LMTK2: variants seen among roughly 807,000 people sequenced by gnomAD.
The protein encoded by LMTK2 is serine/threonine-protein kinase LMTK2.
Under a neutral mutation model 127.5 loss-of-function variants are expected in LMTK2, and 37 were observed. The ratio of observed to expected loss-of-function variants is 0.29; its 90% CI spans 0.22 to 0.38. The LOEUF (loss-of-function observed/expected upper bound fraction) is 0.38, where lower values mean the gene tolerates loss of function less well. LMTK2 is among the 10% of genes least tolerant of loss of function. The pLI, the probability that LMTK2 is intolerant of heterozygous loss-of-function variation, is 1.00. For missense variants in LMTK2, 1,694 were observed against 1,920.3 expected, an observed-to-expected ratio of 0.88 and a Z score of 2.20; for synonymous variants, 819 against 810.1, an observed-to-expected ratio of 1.01 and a Z score of -0.19.
intron 11 of LMTK2, among the ~76,000 whole-genome samples, chr7:98,199,069 C>A (rs1373480071): frequency 6.6e-6 from 1 of 152,004 alleles, no homozygotes; most frequent in East Asian, 1.9e-4. Flanking sequence ...CCATTATGGG[C>A]AGAGAACATA....
Position 98,194,085 on chromosome 7 carries a change from C to T in LMTK2, c.3620C>T (p.Ala1207Val), listed in dbSNP as rs762925076. 3 of 1,614,128 alleles carry T rather than the reference C, an allele frequency of 1.9e-6. No homozygotes were observed. The highest frequency in any genetic ancestry group is 2.5e-6 in the Non-Finnish European group (3 of 1,180,038). The change falls in exon 11 of 14, where the codon GCA becomes GTA. Residue 1207 changes from alanine to valine, a missense_variant. By Grantham distance (64) the Ala-to-Val change is moderately conservative (BLOSUM62 0). Coordinates refer to ENST00000297293, the MANE Select transcript of LMTK2 (RefSeq NM_014916.4). This position sits in a 1 kb window ranked among gnomAD's most constrained non-coding sequence, Gnocchi z 5.4. Reference protein sequence around the residue: ...EASSPWSVLNAELSSGDDFET... With the variant: ...EASSPWSVLNVELSSGDDFET... ...AGCAGTCCCTGGAGTGTGCTGAATG[C>T]AGAACTTAGCAGCGGCGATGACTTC...
chr7:98,155,122 T>C (rs1425617424), intron 5 of LMTK2, among the ~76,000 whole-genome samples: 1 of 152,214 alleles, frequency 6.6e-6, no homozygotes, highest in African/African-American at 2.4e-5. Flanking sequence ...TAGAATTACC[T>C]GACAAGAATT....
chr7:98,191,000 A>G (rs536507751), intron 10 of LMTK2, 123 bp downstream of exon 10: 20 of 953,074 alleles, frequency 2.1e-5, no homozygotes, highest in Non-Finnish European at 2.9e-5. Context: ...TGATGTCACC[A>G]TGAGCTGAAC....
chr7:98,204,984 G>A (rs1584304289), intron 13 of LMTK2, among the ~76,000 whole-genome samples: 1 of 152,288 alleles, frequency 6.6e-6, no homozygotes, highest in African/African-American at 2.4e-5. Flanking sequence ...CCGAGGGCGG[G>A]GTGGGGTGAA....
chr7:98,174,706 T>C (rs1247687813), intron 7 of LMTK2, among the ~76,000 whole-genome samples: 1 of 152,166 alleles, frequency 6.6e-6, no homozygotes, highest in African/African-American at 2.4e-5. Context: ...AGAACCTCTA[T>C]AGGATTTGCC....
At chr7:98,140,542 C>T (rs1271512163) in intron 2 of LMTK2, among the ~76,000 whole-genome samples, 1 of 151,766 alleles carries the variant, frequency 6.6e-6, no homozygotes, top group African/African-American at 2.4e-5. Context: ...TTTTAGTGAC[C>T]TTTGTGGTTC....
chr7:98,193,625 T>C lies in LMTK2; in HGVS notation c.3160T>C (p.Ser1054Pro), dbSNP rs1181311388. Residue 1054 changes from serine to proline, a missense_variant, in exon 11 of 14, where the codon TCA (serine) becomes CCA (proline). By Grantham distance (74) the Ser-to-Pro change is moderately conservative. This residue lies in a region of LMTK2 where 65 missense variants were observed against 116.5 expected (regional missense o/e 0.56). Transcript: ENST00000297293. This position sits in a 1 kb window ranked among gnomAD's most constrained non-coding sequence, Gnocchi z 4.1. The part of the protein sequence containing the change: ...LHPAPEGTAD[S>P]EPATTGDGGH... ...TCCCGCTCCCGAGGGCACCGCAGACTCAGAACCAGCCACCACGGGCGATGG... is the reference window on the plus strand; with the variant it reads ...TCCCGCTCCCGAGGGCACCGCAGACCCAGAACCAGCCACCACGGGCGATGG... The C allele has an allele frequency of 6.2e-7, 1 of 1,613,536 alleles. No homozygotes were observed. The highest frequency in any genetic ancestry group is 1.1e-5 in the South Asian group (1 of 91,052).
intron 1 of LMTK2, among the ~76,000 whole-genome samples, chr7:98,125,075 G>A (rs374236045): frequency 1.3e-5 from 2 of 151,504 alleles, no homozygotes; most frequent in African/African-American, 2.4e-5. Context: ...AGGCCGAGGC[G>A]GGCGGATCAC....
chr7:98,158,606 C>T (rs1025326576), intron 5 of LMTK2, among the ~76,000 whole-genome samples: 11 of 150,408 alleles, frequency 7.3e-5, no homozygotes, highest in Non-Finnish European at 1.5e-4. Flanking sequence ...AGAAATAATG[C>T]AGTAGTAAAA....
At chr7:98,140,129 T>TC (rs879392060) in intron 2 of LMTK2, among the ~76,000 whole-genome samples, 211 of 6,720 alleles carry the variant, frequency 0.031, no homozygotes, top group Non-Finnish European at 0.041. Flanking sequence ...TTTCTTTCTT[T>TC]CTTTCTTTCT....
At chr7:98,154,184 G>C (rs1409666795) in intron 4 of LMTK2, among the ~76,000 whole-genome samples, 2 of 152,158 alleles carry the variant, frequency 1.3e-5, no homozygotes, top group African/African-American at 4.8e-5. Flanking sequence ...TGAGGCAGCA[G>C]ATTCTCATTT....
At chr7:98,166,005 G>A (rs893800184) in intron 6 of LMTK2, among the ~76,000 whole-genome samples, 5 of 151,918 alleles carry the variant, frequency 3.3e-5, no homozygotes, top group Non-Finnish European at 4.4e-5. Flanking sequence ...CCCTGTTCCA[G>A]TGCCCGGCCC....
intron 7 of LMTK2, among the ~76,000 whole-genome samples, chr7:98,182,810 A>T (rs928719693): frequency 3.3e-5 from 5 of 152,254 alleles, no homozygotes; most frequent in Non-Finnish European, 7.3e-5. Context: ...CATCATTCAC[A>T]ATAGCTGAAA....
chr7:98,186,036 C>T (rs1797427531), intron 8 of LMTK2, among the ~76,000 whole-genome samples: 1 of 151,776 alleles, frequency 6.6e-6, no homozygotes, highest in East Asian at 1.9e-4. Flanking sequence ...AGGCACTTAG[C>T]ACCTGCCTGT....
At chr7:98,115,702 G>A (rs1051968798) in intron 1 of LMTK2, among the ~76,000 whole-genome samples, 2 of 152,050 alleles carry the variant, frequency 1.3e-5, no homozygotes, top group Non-Finnish European at 2.9e-5. Context: ...TCAGGAGGCT[G>A]AGGTTGAACC....
chr7:98,209,423 C>G lies in LMTK2; in HGVS notation c.*3931C>G, dbSNP rs1388644382. On this transcript the variant is annotated 3_prime_UTR_variant, in exon 14 of 14. Coordinates refer to ENST00000297293, the MANE Select transcript of LMTK2 (RefSeq NM_014916.4). Reference sequence around the variant, plus strand: ...GTCTGCAGAGGAGGACGTAGGGGGCCGTCACACCCACCAGGCCTCCCTGCT... The same window carrying G: ...GTCTGCAGAGGAGGACGTAGGGGGCGGTCACACCCACCAGGCCTCCCTGCT... The G allele has an allele frequency of 6.6e-6, 1 of 152,100 alleles. No individual in the cohort carries two copies. The highest frequency in any genetic ancestry group is 1.5e-5 in the Non-Finnish European group (1 of 68,020). 9.4% of individuals were successfully genotyped at this position (152,100 alleles called of 1,614,324 possible). A position where few individuals can be genotyped will look rare whatever the true frequency, so the allele number is the denominator to read the frequency against.
rs200822417 is a variant in LMTK2, at chr7:98,194,363, G to T, written c.3898G>T (p.Ala1300Ser). 1 of 1,614,164 alleles carries T rather than the reference G, an allele frequency of 6.2e-7. No homozygotes were observed. Among genetic ancestry groups the T allele is most frequent in the Admixed American group, 1.7e-5 (1 of 60,024 alleles). Residue 1300 changes from alanine (A) to serine (S), a missense_variant, in exon 11 of 14, where the codon GCC (alanine) becomes TCC (serine). Transcript: ENST00000297293. This position sits in a 1 kb window ranked among gnomAD's most constrained non-coding sequence, Gnocchi z 5.4. ...NSDDSDEDLR[A>S]FNLHSLSSES... is the part of the protein sequence containing the mutation. ...CGACGACTCGGACGAGGACCTGCGG[G>T]CCTTCAACCTGCATAGCCTCAGCTC...
At chr7:98,177,750 G>A (rs774001142) in intron 7 of LMTK2, among the ~76,000 whole-genome samples, 1 of 152,200 alleles carries the variant, frequency 6.6e-6, no homozygotes, top group Non-Finnish European at 1.5e-5. Flanking sequence ...CCAAATCCTA[G>A]CAGGTGCCTG....
intron 1 of LMTK2, among the ~76,000 whole-genome samples, chr7:98,125,031 G>C (rs1796423943): frequency 6.7e-6 from 1 of 149,326 alleles, no homozygotes. Context: ...CAGGCTAGGC[G>C]CATGGCTCAC....
Sources: gnomAD v4.1 joint callset for allele counts (sites outside exome capture counted in the v4.1 genomes callset) on GRCh38, gnomAD v4.1.1 for gene constraint, gnomAD v4.1.1 regional missense constraint, Gnocchi (gnomAD v3.1) non-coding constraint, MANE v1.5 for transcripts, NCBI Gene and HGNC (gene_info 2026-07-23, HGNC 2026-07-21) for gene names.